The following SYT1 variants were observed in gnomAD, a reference collection of about 807,000 sequenced individuals.
The protein encoded by SYT1 is synaptotagmin-1.
In SYT1, 8 loss-of-function variants were observed where a neutral mutation model predicts 44.8. That is an observed-to-expected ratio of 0.18 (90% confidence interval 0.10 to 0.32). The LOEUF is 0.32. Among genes scored for constraint, SYT1 ranks in the 10% least tolerant of loss-of-function variants. The probability of loss-of-function intolerance (pLI) is 1.00; values close to 1 mark genes in which losing one functional copy is unlikely to be tolerated. For missense variants in SYT1, 286 were observed against 509.3 expected (o/e 0.56, Z 4.22); for synonymous variants, 154 against 188.8 (o/e 0.82, Z 1.51).
chr12:79,304,823 T>C (rs1880314237), intron 8 of SYT1, among the ~76,000 whole-genome samples: 2 of 151,982 alleles, frequency 1.3e-5, no homozygotes, highest in Non-Finnish European at 2.9e-5. Context: ...TATTGAATTA[T>C]TTTATAGTAT....
intron 1 of SYT1, among the ~76,000 whole-genome samples, chr12:78,975,913 G>A (rs1868796796): frequency 6.6e-6 from 1 of 152,084 alleles, no homozygotes; most frequent in Admixed American, 6.5e-5. Context: ...TCACAAATGG[G>A]TAAAACCATT....
At chr12:79,243,529 A>G (rs1449980249) in intron 4 of SYT1, among the ~76,000 whole-genome samples, 1 of 152,214 alleles carries the variant, frequency 6.6e-6, no homozygotes, top group Non-Finnish European at 1.5e-5. Flanking sequence ...AAGAATTGCT[A>G]AAGCAATCGA....
At chr12:79,153,466 T>C (rs1187792716) in intron 3 of SYT1, among the ~76,000 whole-genome samples, 1 of 152,120 alleles carries the variant, frequency 6.6e-6, no homozygotes, top group Non-Finnish European at 1.5e-5. Context: ...TAATGCAATC[T>C]ATGTTATAGG....
intron 2 of SYT1, among the ~76,000 whole-genome samples, chr12:78,999,049 G>A (rs530352271): frequency 3.3e-5 from 5 of 152,204 alleles, no homozygotes; most frequent in African/African-American, 1.2e-4. Flanking sequence ...CAATACTTTG[G>A]ACCATGTCAC....
intron 2 of SYT1, among the ~76,000 whole-genome samples, chr12:79,039,811 C>T (rs1001909536): frequency 7.3e-6 from 1 of 137,488 alleles, no homozygotes; most frequent in African/African-American, 2.7e-5. Context: ...TGTGATATTC[C>T]CCTTCCTGTG....
chr12:78,926,571 A>T (rs1473303659), intron 1 of SYT1: 1 of 152,016 alleles, frequency 6.6e-6, no homozygotes, highest in Non-Finnish European at 1.5e-5. Context: ...GAAATTTTAA[A>T]ACATTTTATT....
intron 4 of SYT1, among the ~76,000 whole-genome samples, chr12:79,280,986 A>C (rs11113444): frequency 0.19 from 17,446 of 92,936 alleles, 1,316 homozygotes; most frequent in East Asian, 0.36. Context: ...AATAAAAAGT[A>C]AAAAAAAAAA....
intron 8 of SYT1, among the ~76,000 whole-genome samples, chr12:79,346,621 A>G (rs1428167022): frequency 6.6e-6 from 1 of 152,166 alleles, no homozygotes; most frequent in Non-Finnish European, 1.5e-5. Context: ...ACCTCCAGAA[A>G]TGGTTTTGTT....
Position 79,217,551 on chromosome 12 carries a change from C to T in SYT1, c.32C>T (p.Ala11Val), listed in dbSNP as rs761708111. Reference protein sequence around the residue: MVSESHHEALAAPPVTTVATV... With the variant: MVSESHHEALVAPPVTTVATV... ...AGCGAGAGTCACCATGAGGCCCTGG[C>T]AGCCCCGCCTGTCACCACTGTCGCG... The change falls in exon 4 of 11, where the codon GCA becomes GTA. Residue 11 changes from alanine to valine, a missense_variant. Physicochemically the swap from Ala to Val is moderately conservative, Grantham distance 64. Transcript: ENST00000261205. 2 of 1,604,728 alleles carry T rather than the reference C, an allele frequency of 1.2e-6. No homozygotes were observed. The highest frequency in any genetic ancestry group is 1.7e-6 in the Non-Finnish European group (2 of 1,175,962).
intron 6 of SYT1, among the ~76,000 whole-genome samples, chr12:79,293,193 A>G (rs1333979756): frequency 6.7e-6 from 1 of 149,730 alleles, no homozygotes; most frequent in African/African-American, 2.4e-5. Flanking sequence ...GCGTGGTGAC[A>G]GGCGCCTGTA....
At chr12:79,301,241 G>A (rs553310803) in intron 8 of SYT1, among the ~76,000 whole-genome samples, 1 of 152,088 alleles carries the variant, frequency 6.6e-6, no homozygotes, top group African/African-American at 2.4e-5. Context: ...ACTTGTGCAG[G>A]GTGCATGGTT....
intron 9 of SYT1, among the ~76,000 whole-genome samples, chr12:79,397,370 C>T (rs1182156049): frequency 6.6e-6 from 1 of 152,136 alleles, no homozygotes; most frequent in Non-Finnish European, 1.5e-5. Context: ...GCTGGGATTA[C>T]AGGCCTGTGC....
chr12:79,222,445 G>A (rs1232249821), intron 4 of SYT1, among the ~76,000 whole-genome samples: 2 of 150,998 alleles, frequency 1.3e-5, no homozygotes, highest in African/African-American at 2.4e-5. Context: ...GCAGTGGCAC[G>A]ATCTTGCCTC....
chr12:79,135,467 T>C (rs1869130478), intron 3 of SYT1, among the ~76,000 whole-genome samples: 1 of 152,226 alleles, frequency 6.6e-6, no homozygotes, highest in Non-Finnish European at 1.5e-5. Flanking sequence ...ACCATGTTCC[T>C]ATTGTAAAGA....
chr12:79,252,961 A>G (rs924126860), intron 4 of SYT1, among the ~76,000 whole-genome samples: 29 of 152,314 alleles, frequency 1.9e-4, no homozygotes, highest in African/African-American at 6.7e-4. Flanking sequence ...ATTCCCACAT[A>G]GCAATACAAT....
chr12:79,107,252 G>C (rs531258029), intron 3 of SYT1, among the ~76,000 whole-genome samples: 12 of 151,956 alleles, frequency 7.9e-5, no homozygotes, highest in Non-Finnish European at 1.2e-4. Flanking sequence ...GGGCCAGAGA[G>C]TTTACTAATG....
intron 3 of SYT1, among the ~76,000 whole-genome samples, chr12:79,085,599 A>G (rs1877328596): frequency 6.6e-6 from 1 of 152,134 alleles, no homozygotes; most frequent in South Asian, 2.1e-4. Context: ...AGATGTAACC[A>G]AAGTCTAGGG....
intron 2 of SYT1, among the ~76,000 whole-genome samples, chr12:79,037,068 T>C (rs1202188226): frequency 2.6e-5 from 4 of 151,852 alleles, no homozygotes; most frequent in African/African-American, 9.7e-5. Flanking sequence ...ATGTGACAGG[T>C]ACTATTCTAG....
chr12:79,050,042 A>G lies in SYT1; in HGVS notation c.-18+2680A>G, dbSNP rs115901865. On this transcript the variant is annotated intron_variant, in intron 3 of 10. Transcript: ENST00000261205. ...GATCACCAACTCCCACACAGTCCTA[A>G]AATTCCATGGTTAACTTTTAACTCC... Among the ~76,000 whole-genome samples, 498 of 152,150 alleles carry G rather than the reference A, an allele frequency of 3.3e-3. 5 individuals carry two copies. Among genetic ancestry groups the G allele is most frequent in the African/African-American group, 0.011 (469 of 41,526 alleles).
Sources: gnomAD v4.1 joint callset for allele counts (sites outside exome capture counted in the v4.1 genomes callset) on GRCh38, gnomAD v4.1.1 for gene constraint, MANE v1.5 for transcripts, NCBI Gene and HGNC (gene_info 2026-07-23, HGNC 2026-07-21) for gene names.